Variants in MGAT4D observed in about 807,000 individuals in gnomAD.
The protein encoded by MGAT4D is alpha-1,3-mannosyl-glycoprotein 4-beta-N-acetylglucosaminyltransferase-like protein MGAT4D.
Under a neutral mutation model 15.9 loss-of-function variants are expected in MGAT4D, and 34 were observed. The ratio of observed to expected loss-of-function variants is 2.14; its 90% CI spans 1.62 to 2.84. The LOEUF (loss-of-function observed/expected upper bound fraction) is 2.84. Among genes scored for constraint, MGAT4D ranks in the 30% most tolerant of loss-of-function variants. The pLI, the probability that MGAT4D is intolerant of heterozygous loss-of-function variation, is 0.00. For missense variants in MGAT4D, 327 were observed against 140.2 expected (o/e 2.33, Z -6.73); for synonymous variants, 112 against 48.2 (o/e 2.33, Z -5.49).
intron 1 of MGAT4D, among the ~76,000 whole-genome samples, chr4:140,495,352 A>G (rs943047259): frequency 5.3e-5 from 8 of 152,164 alleles, no homozygotes; most frequent in African/African-American, 1.9e-4. Flanking sequence ...CTGATATCAT[A>G]TAGTAATTAT....
At position 140,471,761 on chromosome 4, in the gene MGAT4D, C is replaced by A; in HGVS notation, c.572+14G>T. The A allele has an allele frequency of 4.3e-6, 2 of 460,052 alleles. No homozygotes were observed. The highest frequency in any genetic ancestry group is 2.6e-5 in the South Asian group (1 of 38,376). The allele number at this position is 460,052 out of a possible 1,614,324, so 28.5% of individuals were successfully genotyped here. On this transcript the variant is annotated intron_variant, in intron 5 of 10. Coordinates refer to ENST00000511113, the MANE Select transcript of MGAT4D (RefSeq NM_001277353.2). ...AAGAATGGCTAATGTAAAAATATAT[C>A]AGACAGTACTTACTTTTTTGTAATC...
chr4:140,452,357 C>T (rs1157110831), intron 9 of MGAT4D, among the ~76,000 whole-genome samples: 1 of 152,030 alleles, frequency 6.6e-6, no homozygotes, highest in African/African-American at 2.4e-5. Flanking sequence ...AGTACTAATA[C>T]ATAGGAAATA....
Position 140,456,663 on chromosome 4 carries a change from A to T in MGAT4D, c.934T>A (p.Tyr312Asn), listed in dbSNP as rs1203994563. 2.9e-6 allele frequency: 2 copies of T among 698,878 alleles called. No individual in the cohort carries two copies. Among genetic ancestry groups the T allele is most frequent in the African/African-American group, 3.5e-5 (2 of 57,124 alleles). The allele number at this position is 698,878 out of a possible 1,614,324, so 43.3% of individuals were successfully genotyped here. A position where few individuals can be genotyped will look rare whatever the true frequency, so the allele number is the denominator to read the frequency against. Residue 312 changes from tyrosine to asparagine, a missense_variant, in exon 9 of 11, where the codon TAC becomes AAC. Physicochemically the swap from Tyr to Asn is moderately radical, Grantham distance 143. Coordinates refer to ENST00000511113, the MANE Select transcript of MGAT4D (RefSeq NM_001277353.2). ...AGCCAGTCTATGGGTTTCTCTTTGT[A>T]GAACATTAAAAAAAACCGTACAAAG... The part of the protein sequence containing the change: ...THFVRFFLMF[Y>N]KEKPIDWLLN...
Position 140,471,227 on chromosome 4 carries a change from TTTCCTTCCTTCCTTCCTTCCTTCCTTCC to T in MGAT4D, c.572+520_572+547del, listed in dbSNP as rs200186471. Reference sequence around the variant, plus strand: ...TTTCGTTTCTCCTTTCTCCTTTTTGTTTCCTTCCTTCCTTCCTTCCTTCCTTCCTTCCTTCCTTCCTTCCTTCCTTCCT... The same window carrying T: ...TTTCGTTTCTCCTTTCTCCTTTTTGTTTCCTTCCTTCCTTCCTTCCTTCCT... On this transcript the variant is annotated intron_variant, in intron 5 of 10. Coordinates refer to ENST00000511113, the MANE Select transcript of MGAT4D (RefSeq NM_001277353.2). Among the ~76,000 whole-genome samples, 1,194 of 133,788 alleles carry T rather than the reference TTTCCTTCCTTCCTTCCTTCCTTCCTTCC, an allele frequency of 8.9e-3. 16 individuals carry two copies. Among genetic ancestry groups the T allele is most frequent in the African/African-American group, 0.031 (1,105 of 36,190 alleles). 87.8% of individuals were successfully genotyped at this position (133,788 alleles called of 152,430 possible). A position where few individuals can be genotyped will look rare whatever the true frequency, so the allele number is the denominator to read the frequency against.
intron 10 of MGAT4D, among the ~76,000 whole-genome samples, 162 bp from the exon 11 acceptor site, chr4:140,443,606 A>G (rs1020849474): frequency 6.6e-6 from 1 of 152,090 alleles, no homozygotes; most frequent in Admixed American, 6.6e-5. Flanking sequence ...TATTGAGAGA[A>G]GATAAGATTC....
intron 5 of MGAT4D, among the ~76,000 whole-genome samples, chr4:140,471,005 C>G (rs558963579): frequency 6.6e-6 from 1 of 151,930 alleles, no homozygotes; most frequent in Non-Finnish European, 1.5e-5. Flanking sequence ...CCACTTCAGC[C>G]TCCCTAGTAG....
intron 6 of MGAT4D, among the ~76,000 whole-genome samples, chr4:140,463,738 T>C (rs1346825492): frequency 6.6e-6 from 1 of 152,012 alleles, no homozygotes; most frequent in Non-Finnish European, 1.5e-5. Flanking sequence ...GTGGAAAGGG[T>C]GGAAGAGCAT....
chr4:140,466,894 C>T (rs768215780), intron 5 of MGAT4D, among the ~76,000 whole-genome samples: 37 of 151,988 alleles, frequency 2.4e-4, no homozygotes, highest in Non-Finnish European at 4.6e-4. Flanking sequence ...TGTGCTAGAG[C>T]GAATATGGGT....
At chr4:140,444,719 G>A (rs1239181401) in intron 10 of MGAT4D, among the ~76,000 whole-genome samples, 1 of 151,960 alleles carries the variant, frequency 6.6e-6, no homozygotes, top group South Asian at 2.1e-4. Context: ...TATTCCTTTG[G>A]GTATATACCC....
chr4:140,443,447 GA>G lies in MGAT4D; in HGVS notation c.1117-4del. 1 of 539,498 alleles carries G rather than the reference GA, an allele frequency of 1.9e-6. No homozygotes were observed. The highest frequency in any genetic ancestry group is 2.3e-5 in the South Asian group (1 of 44,438). The allele number at this position is 539,498 out of a possible 1,614,324, so 33.4% of individuals were successfully genotyped here. ...CTTCTTATTTATCTTCATATTTTCTGAAATGAAAACAAAAAATGTAACATCT... is the reference window on the plus strand; with the variant it reads ...CTTCTTATTTATCTTCATATTTTCTGAATGAAAACAAAAAATGTAACATCT... On this transcript the variant is annotated splice_region_variant and splice_polypyrimidine_tract_variant and intron_variant, in intron 10 of 10. Coordinates refer to ENST00000511113, the MANE Select transcript of MGAT4D (RefSeq NM_001277353.2).
chr4:140,468,711 A>G (rs1256328741), intron 5 of MGAT4D, among the ~76,000 whole-genome samples: 1 of 152,130 alleles, frequency 6.6e-6, no homozygotes, highest in Non-Finnish European at 1.5e-5. Flanking sequence ...CTACATGTAT[A>G]TGGTGTTTTG....
intron 7 of MGAT4D, 96 bp from the exon 8 acceptor site, chr4:140,459,722 T>G (rs1731041705): frequency 2.9e-6 from 1 of 339,962 alleles, no homozygotes; most frequent in Non-Finnish European, 5.3e-6. Flanking sequence ...CTGAATATAC[T>G]GAAGAAAATG....
At position 140,456,593 on chromosome 4, in the gene MGAT4D, T is replaced by C; in HGVS notation, c.1004A>G (p.Asp335Gly). The change falls in exon 9 of 11, where the codon GAT (aspartate) becomes GGT (glycine). Residue 335 changes from aspartate to glycine, a missense_variant. Transcript: ENST00000511113. ...FQVKVCDAGE[D>G]LRNCMKRKKQ... is the part of the protein sequence containing the mutation. The stretch of plus-strand genomic sequence containing the variant: ...ATTCATAAAGTAAATACTCACAAGA[T>C]CTTCTCCTGCGTCACACACCTTTAC... The C allele has an allele frequency of 1.5e-6, 1 of 663,752 alleles. No individual in the cohort carries two copies. The highest frequency in any genetic ancestry group is 2.7e-6 in the Non-Finnish European group (1 of 367,042). 41.1% of individuals were successfully genotyped at this position (663,752 alleles called of 1,614,324 possible).
At chr4:140,497,499 T>C (rs1202937008) in intron 1 of MGAT4D, among the ~76,000 whole-genome samples, 4 of 152,256 alleles carry the variant, frequency 2.6e-5, no homozygotes, top group East Asian at 1.9e-4. Context: ...GTTTCCTAAA[T>C]TGGCACTTCT....
chr4:140,457,347 T>C (rs1730878124), intron 8 of MGAT4D: 1 of 152,132 alleles, frequency 6.6e-6, no homozygotes, highest in Non-Finnish European at 1.5e-5. Flanking sequence ...TAATGTAAAA[T>C]ACATCTAATG....
intron 5 of MGAT4D, among the ~76,000 whole-genome samples, chr4:140,470,868 T>G (rs1332983286): frequency 6.6e-6 from 1 of 151,636 alleles, no homozygotes; most frequent in Admixed American, 6.6e-5. Flanking sequence ...TGCTAGCCTC[T>G]TCCTTCCTTT....
At chr4:140,451,673 A>T (rs1048336055) in intron 9 of MGAT4D, among the ~76,000 whole-genome samples, 156 bp from the exon 10 acceptor site, 5 of 152,126 alleles carry the variant, frequency 3.3e-5, no homozygotes, top group Non-Finnish European at 7.4e-5. Flanking sequence ...CTTTTTCTTC[A>T]TAAGAATAGA....
intron 9 of MGAT4D, among the ~76,000 whole-genome samples, chr4:140,456,069 T>C (rs563550598): frequency 6.6e-6 from 1 of 152,184 alleles, no homozygotes; most frequent in South Asian, 2.1e-4. Context: ...CCCAGGGAGG[T>C]TGAGGCTGCA....
intron 8 of MGAT4D, 24 bp downstream of exon 8, chr4:140,459,488 C>G (rs1430807069): frequency 2.3e-6 from 1 of 430,548 alleles, no homozygotes. Context: ...AAACTTGATC[C>G]AACAAAGTAA....
Sources: allele counts gnomAD v4.1 joint callset (sites outside exome capture counted in the v4.1 genomes callset), GRCh38; gene constraint gnomAD v4.1.1; transcripts MANE v1.5; gene names NCBI Gene and HGNC (gene_info 2026-07-23, HGNC 2026-07-21).